Variants in TMEM154 observed in about 807,000 individuals in gnomAD.
TMEM154 encodes transmembrane protein 154.
Under a neutral mutation model 24.5 loss-of-function variants are expected in TMEM154, and 27 were observed. The observed-to-expected ratio is 1.10, with a 90% confidence interval of 0.81 to 1.52. TMEM154 has a LOEUF of 1.52. TMEM154 is among the 40% of genes most tolerant of loss of function. The pLI, the probability that TMEM154 is intolerant of heterozygous loss-of-function variation, is 0.00. For missense variants in TMEM154, 228 were observed against 213.4 expected, an observed-to-expected ratio of 1.07 and a Z score of -0.43; for synonymous variants, 67 against 76.8, an observed-to-expected ratio of 0.87 and a Z score of 0.67.
chr4:152,676,862 C>A (rs1291742068), intron 1 of TMEM154, among the ~76,000 whole-genome samples: 1 of 152,194 alleles, frequency 6.6e-6, no homozygotes, highest in Non-Finnish European at 1.5e-5. Context: ...GCCACCAAAA[C>A]AGTCACAGCA....
At chr4:152,660,805 C>T (rs894991402) in intron 1 of TMEM154, among the ~76,000 whole-genome samples, 1 of 152,164 alleles carries the variant, frequency 6.6e-6, no homozygotes, top group African/African-American at 2.4e-5. Context: ...GAAAGGGTTC[C>T]CAGAAACCTC....
intron 1 of TMEM154, among the ~76,000 whole-genome samples, chr4:152,653,460 G>A (rs1273336662): frequency 6.7e-6 from 1 of 148,924 alleles, no homozygotes; most frequent in Non-Finnish European, 1.5e-5. Context: ...CATGATCTCA[G>A]CTCACTGCAA....
intron 2 of TMEM154, 23 bp downstream of exon 2, chr4:152,652,644 A>C (rs1230144519): frequency 6.2e-7 from 1 of 1,613,612 alleles, no homozygotes; most frequent in East Asian, 2.2e-5. Context: ...TTTTCTGGAA[A>C]TGGAAATACA....
chr4:152,658,636 A>ATTTTTAGCTTTACTAAAAATACAAAT (rs1728537709), intron 1 of TMEM154, among the ~76,000 whole-genome samples: 2 of 151,868 alleles, frequency 1.3e-5, no homozygotes, highest in African/African-American at 4.8e-5. Context: ...AAAATACAAA[A>ATTTTTAGCTTTACTAAAAATACAAAT]TTTTTAGCTT....
rs1030327627 is a variant in TMEM154, at chr4:152,627,513, A to G, written c.*1033T>C. 4 of 152,362 alleles carry G rather than the reference A, an allele frequency of 2.6e-5. No homozygotes were observed. The highest frequency in any genetic ancestry group is 9.6e-5 in the African/African-American group (4 of 41,590). The allele number at this position is 152,362 out of a possible 1,614,324, so 9.4% of individuals were successfully genotyped here. A position where few individuals can be genotyped will look rare whatever the true frequency, so the allele number is the denominator to read the frequency against. On this transcript the variant is annotated 3_prime_UTR_variant, in exon 7 of 7. Coordinates refer to ENST00000304385, the MANE Select transcript of TMEM154 (RefSeq NM_152680.3). The stretch of plus-strand genomic sequence containing the variant: ...TGCTTTTAGCACAAGGATGTCAAAA[A>G]TATCACATAGAATGTCATCTCTGAT...
rs377270522 is a variant in TMEM154, at chr4:152,679,847, A to G, written c.64+23T>C. ...AGCTTTTGCGATCCTCCTTCCCAGG[A>G]GTAGGAAGTGGAGGCGGCTTACCCC... On this transcript the variant is annotated intron_variant, in intron 1 of 6. Coordinates refer to ENST00000304385, the MANE Select transcript of TMEM154 (RefSeq NM_152680.3). 34 of 1,600,126 alleles carry G rather than the reference A, an allele frequency of 2.1e-5. No homozygotes were observed. In the African/African-American group the frequency reaches 3.1e-4, roughly 14 times the overall value.
At chr4:152,668,776 C>T (rs1044800815) in intron 1 of TMEM154, 2 of 152,360 alleles carry the variant, frequency 1.3e-5, no homozygotes, top group Non-Finnish European at 2.9e-5. Context: ...GAGTCCCCAT[C>T]GCCAGCCTAA....
At chr4:152,670,640 G>A (rs1728818409) in intron 1 of TMEM154, among the ~76,000 whole-genome samples, 1 of 151,988 alleles carries the variant, frequency 6.6e-6, no homozygotes, top group African/African-American at 2.4e-5. Flanking sequence ...TAAAAGATTT[G>A]GGATAGTTAG....
In TMEM154 at chr4:152,647,233, T is replaced by C. The variant is rs945555269; in HGVS notation, c.365-2791A>G. ...TCTGCTTCTAACTTCCCAGGGGACA[T>C]AGTGTGCAGGTGTCCATGCTCTCCT... is the stretch of plus-strand genomic sequence containing the variant. On this transcript the variant is annotated intron_variant, in intron 3 of 6. Coordinates refer to ENST00000304385, the MANE Select transcript of TMEM154 (RefSeq NM_152680.3). The C allele has an allele frequency of 5.1e-6, 5 of 985,004 alleles. No homozygotes were observed. The South Asian group carries it at 2.4e-4, about 46-fold the overall frequency. 61.0% of individuals were successfully genotyped at this position (985,004 alleles called of 1,614,324 possible).
intron 1 of TMEM154, among the ~76,000 whole-genome samples, chr4:152,668,082 A>G (rs1023854748): frequency 6.6e-6 from 1 of 152,216 alleles, no homozygotes; most frequent in East Asian, 1.9e-4. Context: ...TCAGGCCCCA[A>G]GGCTGTTTCT....
intron 6 of TMEM154, among the ~76,000 whole-genome samples, chr4:152,637,635 T>C (rs1191357938): frequency 6.6e-6 from 1 of 152,210 alleles, no homozygotes; most frequent in Non-Finnish European, 1.5e-5. Context: ...CAGATGTTCT[T>C]ATTTCCATTT....
At chr4:152,663,527 T>G (rs1418505957) in intron 1 of TMEM154, among the ~76,000 whole-genome samples, 1 of 152,234 alleles carries the variant, frequency 6.6e-6, no homozygotes. Context: ...CCCAGATCAC[T>G]GGGTGTGAGG....
At chr4:152,639,182 C>T (rs1051315241) in intron 6 of TMEM154, among the ~76,000 whole-genome samples, 5 of 152,078 alleles carry the variant, frequency 3.3e-5, no homozygotes. Flanking sequence ...AACTCCTGGC[C>T]TCAGGTGATC....
intron 1 of TMEM154, chr4:152,666,597 C>T (rs1728727944): frequency 6.6e-6 from 1 of 152,196 alleles, no homozygotes. Context: ...CAGGTATGAG[C>T]CACCAAGTCC....
chr4:152,628,590 A>G, intron 6 of TMEM154, 29 bp from the exon 7 acceptor site: 1 of 782,426 alleles, frequency 1.3e-6, no homozygotes, highest in Non-Finnish European at 1.6e-6. Flanking sequence ...AAAAAAAAAA[A>G]AACAAAAAAA....
In TMEM154 at chr4:152,628,577, A is replaced by T; in HGVS notation, c.537-16T>A. 1 of 1,179,820 alleles carries T rather than the reference A, an allele frequency of 8.5e-7. No homozygotes were observed. The highest frequency in any genetic ancestry group is 1.1e-6 in the Non-Finnish European group (1 of 892,308). 73.1% of individuals were successfully genotyped at this position (1,179,820 alleles called of 1,614,324 possible). On this transcript the variant is annotated splice_polypyrimidine_tract_variant and intron_variant, in intron 6 of 6. Transcript: ENST00000304385. ...TTCACTGTCACTGTAAAAAAAAAAA[A>T]AAAAAAAAAAAAAAACAAAAAAAAC...
At chr4:152,670,840 T>G (rs1250534074) in intron 1 of TMEM154, among the ~76,000 whole-genome samples, 2 of 152,216 alleles carry the variant, frequency 1.3e-5, no homozygotes, top group Non-Finnish European at 2.9e-5. Context: ...GTTGTGTGCC[T>G]ATTAACGTGC....
chr4:152,621,783 A>G lies in TMEM154; in HGVS notation c.*6763T>C, dbSNP rs183138261. The G allele has an allele frequency of 1.5e-3, 229 of 152,248 alleles. No individual in the cohort carries two copies. Among genetic ancestry groups the G allele is most frequent in the African/African-American group, 5.2e-3 (214 of 41,546 alleles). 9.4% of individuals were successfully genotyped at this position (152,248 alleles called of 1,614,324 possible). A position where few individuals can be genotyped will look rare whatever the true frequency, so the allele number is the denominator to read the frequency against. ...AGAAAAGTGAGTAATCAGGAAAAAA[A>G]GAGGTTTTCTTGTGGATTTTTCCAT... On this transcript the variant is annotated 3_prime_UTR_variant, in exon 7 of 7. Transcript: ENST00000304385.
At chr4:152,648,158 T>A (rs1466985764) in intron 3 of TMEM154, among the ~76,000 whole-genome samples, 1 of 152,126 alleles carries the variant, frequency 6.6e-6, no homozygotes, top group Admixed American at 6.5e-5. Flanking sequence ...TAATTTTTCC[T>A]AGGGGAGGAT....
Sources: allele counts gnomAD v4.1 joint callset (sites outside exome capture counted in the v4.1 genomes callset), GRCh38; gene constraint gnomAD v4.1.1; transcripts MANE v1.5; gene names NCBI Gene and HGNC (gene_info 2026-07-23, HGNC 2026-07-21).